RIT2: variants seen among roughly 807,000 people sequenced by gnomAD.
RIT2 encodes GTP-binding protein Rit2.
RIT2 carries 24 observed loss-of-function variants against 23.7 expected under a neutral mutation model. The ratio of observed to expected loss-of-function variants is 1.01; its 90% CI spans 0.73 to 1.43. The LOEUF (loss-of-function observed/expected upper bound fraction) is 1.43, where lower values mean the gene tolerates loss of function less well. Among genes scored for constraint, RIT2 ranks in the 40% most tolerant of loss-of-function variants. The pLI is 0.00. For synonymous variants in RIT2, 107 were observed against 91.1 expected, an observed-to-expected ratio of 1.17 and a Z score of -0.99; for missense variants, 236 against 266.9, an observed-to-expected ratio of 0.88 and a Z score of 0.81.
At chr18:42,757,480 T>G (rs1913190780) in intron 4 of RIT2, among the ~76,000 whole-genome samples, 1 of 152,198 alleles carries the variant, frequency 6.6e-6, no homozygotes, top group African/African-American at 2.4e-5. Flanking sequence ...GGATTATATT[T>G]GGGTAAGGCT....
chr18:42,801,257 G>A (rs1234232093), intron 4 of RIT2, among the ~76,000 whole-genome samples: 1 of 152,160 alleles, frequency 6.6e-6, no homozygotes, highest in African/African-American at 2.4e-5. Context: ...TCCCAGACTA[G>A]TTTTGAAAAT....
At chr18:42,833,738 A>T (rs1401338952) in intron 4 of RIT2, among the ~76,000 whole-genome samples, 1 of 152,164 alleles carries the variant, frequency 6.6e-6, no homozygotes, top group Non-Finnish European at 1.5e-5. Flanking sequence ...TTGTTGATTC[A>T]AATCAAATTG....
intron 4 of RIT2, among the ~76,000 whole-genome samples, chr18:42,787,391 G>A (rs536687344): frequency 6.6e-6 from 1 of 151,544 alleles, no homozygotes; most frequent in Admixed American, 6.6e-5. Flanking sequence ...AAACCTGCAC[G>A]TTGTGCACAT....
At chr18:43,018,536 AG>A (rs1911525059) in intron 2 of RIT2, among the ~76,000 whole-genome samples, 1 of 152,040 alleles carries the variant, frequency 6.6e-6, no homozygotes, top group African/African-American at 2.4e-5. Flanking sequence ...AAAAATATCT[AG>A]GCACATAGAA....
intron 4 of RIT2, among the ~76,000 whole-genome samples, chr18:42,812,834 C>A (rs965492437): frequency 2.6e-5 from 4 of 152,092 alleles, no homozygotes; most frequent in African/African-American, 9.7e-5. Context: ...TAAAAAAGCC[C>A]TTCATAAGCT....
intron 4 of RIT2, among the ~76,000 whole-genome samples, chr18:42,796,763 G>C (rs914786733): frequency 6.6e-6 from 1 of 152,130 alleles, no homozygotes; most frequent in African/African-American, 2.4e-5. Flanking sequence ...TTCCTGTCCA[G>C]CTCTGGTTTT....
chr18:42,842,833 G>C (rs2144026069), intron 4 of RIT2, among the ~76,000 whole-genome samples: 1 of 152,240 alleles, frequency 6.6e-6, no homozygotes, highest in Non-Finnish European at 1.5e-5. Context: ...AGGTCCTGAT[G>C]ACTTCAGCTG....
rs145434582 is a variant in RIT2, at chr18:42,976,700, A to G, written c.161-2553T>C. Among the ~76,000 whole-genome samples the G allele has an allele frequency of 1.1e-4, 16 of 152,226 alleles. No homozygotes were observed. In the East Asian group the frequency reaches 3.1e-3, roughly 29 times the overall value. On this transcript the variant is annotated intron_variant, in intron 2 of 4. Transcript: ENST00000326695. ...CTAATAAAGGATGAATATGTTCATT[A>G]TTATTAAGAAACGTGGAGTTCATTA...
intron 1 of RIT2, among the ~76,000 whole-genome samples, chr18:43,062,927 A>G (rs1912683971): frequency 6.6e-6 from 1 of 152,156 alleles, no homozygotes; most frequent in African/African-American, 2.4e-5. Flanking sequence ...ATACAACTGG[A>G]CTTTATTAAT....
chr18:43,083,136 A>G (rs1913197517), intron 1 of RIT2, among the ~76,000 whole-genome samples: 1 of 152,140 alleles, frequency 6.6e-6, no homozygotes, highest in Non-Finnish European at 1.5e-5. Context: ...CACCATTGCT[A>G]CAAAGAGAAT....
At chr18:42,818,184 T>C (rs556947931) in intron 4 of RIT2, among the ~76,000 whole-genome samples, 302 of 152,174 alleles carry the variant, frequency 2.0e-3, no homozygotes, top group African/African-American at 6.7e-3. Flanking sequence ...GTTATAGATA[T>C]GAGTTACTAA....
At chr18:42,822,146 C>T (rs1407638632) in intron 4 of RIT2, among the ~76,000 whole-genome samples, 1 of 152,116 alleles carries the variant, frequency 6.6e-6, no homozygotes, top group African/African-American at 2.4e-5. Context: ...TGCCTAATAC[C>T]ATTCATGCAT....
intron 1 of RIT2, among the ~76,000 whole-genome samples, chr18:43,060,971 C>G (rs1387445289): frequency 6.6e-6 from 1 of 152,062 alleles, no homozygotes; most frequent in Admixed American, 6.6e-5. Context: ...TTGAGCATGG[C>G]ATACCCATAG....
intron 4 of RIT2, among the ~76,000 whole-genome samples, chr18:42,889,832 A>C (rs1222920971): frequency 6.6e-6 from 1 of 152,130 alleles, no homozygotes; most frequent in African/African-American, 2.4e-5. Context: ...AAAGAACATT[A>C]GTTTTTTTGC....
At chr18:43,077,705 T>C (rs1272854317) in intron 1 of RIT2, among the ~76,000 whole-genome samples, 2 of 152,192 alleles carry the variant, frequency 1.3e-5, no homozygotes, top group African/African-American at 4.8e-5. Flanking sequence ...GCCCATCACT[T>C]ACCTGACAGC....
intron 1 of RIT2, among the ~76,000 whole-genome samples, chr18:43,106,064 T>C (rs930881493): frequency 6.6e-6 from 1 of 152,214 alleles, no homozygotes; most frequent in Non-Finnish European, 1.5e-5. Context: ...AGCTTTATTG[T>C]TCTCATCTAT....
At chr18:43,060,497 C>A (rs1432752356) in intron 1 of RIT2, among the ~76,000 whole-genome samples, 3 of 152,094 alleles carry the variant, frequency 2.0e-5, no homozygotes, top group Non-Finnish European at 2.9e-5. Context: ...TTGGGAGATG[C>A]TGTGAGAGAA....
intron 1 of RIT2, among the ~76,000 whole-genome samples, chr18:43,098,589 G>C (rs528540262): frequency 6.6e-6 from 1 of 152,016 alleles, no homozygotes; most frequent in Non-Finnish European, 1.5e-5. Context: ...TTTTTGTAAC[G>C]ACATAATAGT....
intron 4 of RIT2, among the ~76,000 whole-genome samples, chr18:42,841,068 T>A (rs1446277671): frequency 6.6e-6 from 1 of 152,088 alleles, no homozygotes; most frequent in Admixed American, 6.5e-5. Context: ...TACCTAAGGA[T>A]ACTAAGTAGA....
Sources: allele counts gnomAD v4.1 joint callset (sites outside exome capture counted in the v4.1 genomes callset), GRCh38; gene constraint gnomAD v4.1.1; transcripts MANE v1.5; gene names NCBI Gene and HGNC (gene_info 2026-07-23, HGNC 2026-07-21).